ARHGAP10: variants seen among roughly 807,000 people sequenced by gnomAD.
ARHGAP10 encodes Rho GTPase activating protein 10.
ARHGAP10 carries 87 observed loss-of-function variants against 108.6 expected under a neutral mutation model. That is an observed-to-expected ratio of 0.80 (90% CI 0.67 to 0.96). The LOEUF is 0.96. Among genes scored for constraint, ARHGAP10 ranks in the 40% least tolerant of loss-of-function variants. The pLI, the probability that ARHGAP10 is intolerant of heterozygous loss-of-function variation, is 0.00. For missense variants in ARHGAP10, 939 were observed against 954.5 expected (o/e 0.98, Z 0.21); for synonymous variants, 347 against 341.1 (o/e 1.02, Z -0.19).
At chr4:147,803,994 GTT>G (rs1189718865) in intron 1 of ARHGAP10, among the ~76,000 whole-genome samples, 1,711 of 132,864 alleles carry the variant, frequency 0.013, 29 homozygotes, top group African/African-American at 0.043. Context: ...TGTATTTTTA[GTT>G]TTTTTTTTTT....
chr4:148,010,124 G>A (rs1481969683), intron 18 of ARHGAP10, among the ~76,000 whole-genome samples: 4 of 152,014 alleles, frequency 2.6e-5, no homozygotes, highest in Admixed American at 2.6e-4. Context: ...TTGTCATGAG[G>A]TTGGAGGGAG....
At chr4:148,058,042 T>C (rs985557372) in intron 20 of ARHGAP10, among the ~76,000 whole-genome samples, 4 of 152,244 alleles carry the variant, frequency 2.6e-5, no homozygotes, top group Non-Finnish European at 4.4e-5. Context: ...ACAATGTGCT[T>C]GCGTGTGGAG....
chr4:147,732,299 G>T lies in ARHGAP10; in HGVS notation c.-3G>T. ...TGCGCACCGCGCAGCGACCGCTGCC[G>T]TCATGGGGCTGCAGCCCCTGGAGTT... On this transcript the variant is annotated 5_prime_UTR_variant, in exon 1 of 23. Transcript: ENST00000336498. The T allele has an allele frequency of 1.2e-6, 2 of 1,607,626 alleles. No individual in the cohort carries two copies. Among genetic ancestry groups the T allele is most frequent in the Non-Finnish European group, 1.7e-6 (2 of 1,177,676 alleles).
chr4:147,829,216 A>G (rs533588454), intron 3 of ARHGAP10, among the ~76,000 whole-genome samples: 54 of 151,882 alleles, frequency 3.6e-4, no homozygotes, highest in Non-Finnish European at 4.1e-4. Flanking sequence ...ATGTCCGGCT[A>G]ATTTTTTTTG....
In ARHGAP10 at chr4:147,803,872, G is replaced by A. The variant is rs552684505; in HGVS notation, c.155-18855G>A. On this transcript the variant is annotated intron_variant, in intron 1 of 22. Transcript: ENST00000336498. ...CTTAAGTTAATTCTATGTTTTGGCT[G>A]TTGTGACTACTGCTGTAGTAAACAT... 1.4e-3 allele frequency among the ~76,000 whole-genome samples: 211 copies of A among 152,174 alleles called. 8 individuals are homozygous for A. In the South Asian group the frequency reaches 0.041, roughly 30 times the overall value.
At chr4:147,921,434 G>C (rs1737227516) in intron 13 of ARHGAP10, among the ~76,000 whole-genome samples, 1 of 152,184 alleles carries the variant, frequency 6.6e-6, no homozygotes, top group Admixed American at 6.5e-5. Flanking sequence ...GAATAGTCAG[G>C]TGGAGAGAAG....
At chr4:148,065,594 C>CCTA (rs1243448464) in intron 22 of ARHGAP10, 1 of 152,130 alleles carries the variant, frequency 6.6e-6, no homozygotes, top group Non-Finnish European at 1.5e-5. Flanking sequence ...GAATGTGGAA[C>CCTA]GTAGCTGCCC....
chr4:147,812,111 G>A (rs1364533682), intron 1 of ARHGAP10, among the ~76,000 whole-genome samples: 4 of 152,168 alleles, frequency 2.6e-5, no homozygotes, highest in Middle Eastern at 3.2e-3. Context: ...TAGCAGGCAT[G>A]CCTTGGTCTG....
At chr4:147,851,309 C>T (rs374851836) in intron 4 of ARHGAP10, among the ~76,000 whole-genome samples, 2 of 151,602 alleles carry the variant, frequency 1.3e-5, no homozygotes. Context: ...GGCTGGGCAG[C>T]AGCCTTGAAC....
intron 10 of ARHGAP10, among the ~76,000 whole-genome samples, chr4:147,884,364 C>T (rs1300621420): frequency 2.6e-5 from 4 of 152,132 alleles, no homozygotes; most frequent in Non-Finnish European, 5.9e-5. Context: ...CAGGGGAGGA[C>T]TTTAGGTCAG....
intron 1 of ARHGAP10, among the ~76,000 whole-genome samples, chr4:147,798,785 A>C (rs6811391): frequency 0.014 from 68 of 4,784 alleles, no homozygotes; most frequent in East Asian, 0.037. Flanking sequence ...CTCTCTCTAT[A>C]TATATATATA....
intron 7 of ARHGAP10, among the ~76,000 whole-genome samples, chr4:147,867,908 T>C (rs1734634288): frequency 8.6e-6 from 1 of 116,896 alleles, no homozygotes; most frequent in Non-Finnish European, 1.7e-5. Flanking sequence ...ATACCTTTTG[T>C]GTAGATTTTG....
intron 20 of ARHGAP10, 100 bp from the exon 21 acceptor site, chr4:148,063,048 G>C: frequency 1.4e-6 from 2 of 1,420,678 alleles, no homozygotes; most frequent in Non-Finnish European, 2.0e-6. Flanking sequence ...AGGCATGATA[G>C]GGGAATTAGT....
At chr4:147,877,774 T>G (rs17613979) in intron 8 of ARHGAP10, among the ~76,000 whole-genome samples, 14,808 of 151,170 alleles carry the variant, frequency 0.098, 795 homozygotes, top group East Asian at 0.25. Context: ...TGGGGCATAC[T>G]TGGACAGTCA....
At chr4:147,844,926 G>A (rs183710063) in intron 3 of ARHGAP10, among the ~76,000 whole-genome samples, 1 of 152,254 alleles carries the variant, frequency 6.6e-6, no homozygotes, top group African/African-American at 2.4e-5. Context: ...AAACCCTCCT[G>A]TGGCTTTCCA....
At chr4:147,963,917 A>G (rs1739099289) in intron 16 of ARHGAP10, among the ~76,000 whole-genome samples, 1 of 152,182 alleles carries the variant, frequency 6.6e-6, no homozygotes. Context: ...TCTTGTAAGG[A>G]TGCCAGTCAT....
intron 18 of ARHGAP10, among the ~76,000 whole-genome samples, chr4:148,010,959 T>G (rs1741149172): frequency 6.6e-6 from 1 of 152,264 alleles, no homozygotes; most frequent in African/African-American, 2.4e-5. Flanking sequence ...TAGTCTACTT[T>G]AACTTAGAAT....
At chr4:147,829,372 A>G (rs1164149580) in intron 3 of ARHGAP10, among the ~76,000 whole-genome samples, 1 of 151,880 alleles carries the variant, frequency 6.6e-6, no homozygotes, top group African/African-American at 2.4e-5. Context: ...TATTTTTAGT[A>G]GACATGAGGT....
chr4:147,948,054 C>T (rs1738456733), intron 15 of ARHGAP10, among the ~76,000 whole-genome samples: 1 of 151,330 alleles, frequency 6.6e-6, no homozygotes, highest in African/African-American at 2.4e-5. Flanking sequence ...AATTCTCCTG[C>T]CTCAGCCTCC....
Sources: gnomAD v4.1 joint callset for allele counts (sites outside exome capture counted in the v4.1 genomes callset) on GRCh38, gnomAD v4.1.1 for gene constraint, MANE v1.5 for transcripts, NCBI Gene and HGNC (gene_info 2026-07-23, HGNC 2026-07-21) for gene names.